The following PDXDC1 variants were observed in gnomAD, a reference collection of about 807,000 sequenced individuals.
PDXDC1 encodes the protein pyridoxal dependent decarboxylase domain containing 1.
PDXDC1 carries 42 observed loss-of-function variants against 100.1 expected under a neutral mutation model. That is an observed-to-expected ratio of 0.42 (90% CI 0.33 to 0.54). The LOEUF (loss-of-function observed/expected upper bound fraction) is 0.54. Among genes scored for constraint, PDXDC1 ranks in the 20% least tolerant of loss-of-function variants. The pLI is 0.10. For missense variants in PDXDC1, 636 were observed against 979.2 expected, an observed-to-expected ratio of 0.65 and a Z score of 4.68; for synonymous variants, 260 against 371.7, an observed-to-expected ratio of 0.70 and a Z score of 3.46.
At chr16:15,000,932 T>C (rs1973006362) in intron 3 of PDXDC1, among the ~76,000 whole-genome samples, 1 of 149,136 alleles carries the variant, frequency 6.7e-6, no homozygotes, top group South Asian at 2.1e-4. Flanking sequence ...TTATATAATG[T>C]ATAGTATATA....
At chr16:15,148,330 T>C in the PDXDC1 span, among the ~76,000 whole-genome samples, 1 of 150,888 alleles carries the variant, frequency 6.6e-6, no homozygotes, top group African/African-American at 2.4e-5. Flanking sequence ...GTTGGCCATC[T>C]GTGCATCTTC....
At chr16:15,145,757 G>A in the PDXDC1 span, among the ~76,000 whole-genome samples, 4 of 152,260 alleles carry the variant, frequency 2.6e-5, no homozygotes, top group Non-Finnish European at 5.9e-5. Flanking sequence ...CACTCTGCAG[G>A]GAGACTGTGA....
At position 15,137,239 on chromosome 16, in the gene PDXDC1, C is replaced by G. The variant is rs886171758; in HGVS notation, c.1400-1640C>G. The G allele has an allele frequency of 3.3e-5, 27 of 820,424 alleles. No individual in the cohort carries two copies. The East Asian group carries it at 4.5e-4, about 14-fold the overall frequency. The allele number at this position is 820,424 out of a possible 1,614,324, so 50.8% of individuals were successfully genotyped here. On this transcript the variant is annotated intron_variant, in intron 16 of 16. Transcript: ENST00000535621. ...AGGCCAGGGGTCCGTGGGGCCCCAC[C>G]AGGGGGGCCCCTGGGGAGGCAGGGA...
rs1259264123 is a variant in PDXDC1 at position 15,106,618 on chromosome 16, G to C, written c.1400-32261G>C. On this transcript the variant is annotated intron_variant, in intron 16 of 16. Coordinates refer to the PDXDC1 transcript ENST00000535621. ...AAAATACAAAAAATTAGGCGGGCGTGGTGGCAGGCACCTGTAAGCCCAGCT... is the reference window on the plus strand; with the variant it reads ...AAAATACAAAAAATTAGGCGGGCGTCGTGGCAGGCACCTGTAAGCCCAGCT... Among the ~76,000 whole-genome samples the C allele has an allele frequency of 7.4e-5, 11 of 149,120 alleles. No individual in the cohort carries two copies. The Admixed American group carries it at 7.4e-4, about 10-fold the overall frequency.
chr16:14,991,526 A>ATTTTTTTTT (rs1168644641), intron 1 of PDXDC1, among the ~76,000 whole-genome samples: 3 of 136,454 alleles, frequency 2.2e-5, no homozygotes, highest in African/African-American at 2.7e-5. Context: ...TATTTTGTCT[A>ATTTTTTTTT]TTTTTTTTTT....
chr16:15,051,135 G>T (rs1287695013), intron 16 of PDXDC1, among the ~76,000 whole-genome samples: 1 of 152,232 alleles, frequency 6.6e-6, no homozygotes, highest in Non-Finnish European at 1.5e-5. Context: ...GGGAAGGGAA[G>T]AGAAGGGAGG....
downstream of PDXDC1, chr16:15,039,925 C>G (rs764194312): frequency 1.4e-5 from 15 of 1,087,822 alleles, no homozygotes; most frequent in South Asian, 1.8e-4. Context: ...ACATTTGATG[C>G]CTTTTTTTTT....
In PDXDC1 at chr16:15,083,363, C is replaced by T. The variant is rs1433450457; in HGVS notation, c.1399+53307C>T. On this transcript the variant is annotated intron_variant, in intron 16 of 16. Coordinates refer to the PDXDC1 transcript ENST00000535621. ...GCAGTGAGCCAAGATGACGCCATTG[C>T]ACTCCAGCTTGGGCGACAGAGTGAG... 3 of 1,253,062 alleles carry T rather than the reference C, an allele frequency of 2.4e-6. No homozygotes were observed. In the African/African-American group the frequency reaches 4.6e-5, roughly 19 times the overall value. The allele number at this position is 1,253,062 out of a possible 1,614,324, so 77.6% of individuals were successfully genotyped here.
At chr16:15,007,711 G>A (rs1277004617) in intron 6 of PDXDC1, among the ~76,000 whole-genome samples, 1 of 152,278 alleles carries the variant, frequency 6.6e-6, no homozygotes, top group Non-Finnish European at 1.5e-5. Flanking sequence ...CTCTTCTTGA[G>A]GGGTGTACAA....
At chr16:15,093,241 T>G (rs1234560940) in intron 16 of PDXDC1, among the ~76,000 whole-genome samples, 1 of 152,220 alleles carries the variant, frequency 6.6e-6, no homozygotes, top group Non-Finnish European at 1.5e-5. Flanking sequence ...TGACTTCAGA[T>G]GATCCGCCCG....
At chr16:15,139,638 A>C (rs1218597281), downstream of PDXDC1, among the ~76,000 whole-genome samples, 2 of 151,568 alleles carry the variant, frequency 1.3e-5, no homozygotes, top group Non-Finnish European at 2.9e-5. Flanking sequence ...AGAATCAGCC[A>C]GGCATGGTGG....
rs1474135641 is a variant in PDXDC1, at chr16:15,053,869, G to A, written c.1399+23813G>A. On this transcript the variant is annotated intron_variant, in intron 16 of 16. Transcript: ENST00000535621. ...AGAGGTTGCAGTGAGCCGAGATTGT[G>A]CCACAGCAATCCAGCCTGGGCCACA... Among the ~76,000 whole-genome samples, 6 of 152,172 alleles carry A rather than the reference G, an allele frequency of 3.9e-5. No homozygotes were observed. The East Asian group carries it at 9.6e-4, about 24-fold the overall frequency.
At chr16:15,104,344 T>C (rs2046683269) in intron 16 of PDXDC1, 13 of 1,592,758 alleles carry the variant, frequency 8.2e-6, no homozygotes, top group African/African-American at 1.3e-5. Context: ...TATTTATTCT[T>C]CGTTAGTTTC....
intron 15 of PDXDC1, 172 bp downstream of exon 15, chr16:15,029,138 G>A (rs1335000837): frequency 1.5e-5 from 11 of 748,712 alleles, no homozygotes; most frequent in African/African-American, 5.2e-5. Context: ...ACCACCTCAC[G>A]AGCTGGGTCA....
At chr16:14,984,838 G>A (rs1424559259) in intron 1 of PDXDC1, among the ~76,000 whole-genome samples, 3 of 152,194 alleles carry the variant, frequency 2.0e-5, no homozygotes, top group African/African-American at 7.2e-5. Context: ...TGGTTTAACT[G>A]AGGAAAAGTG....
chr16:15,066,203 C>G (rs897934352), intron 16 of PDXDC1, among the ~76,000 whole-genome samples: 8 of 152,136 alleles, frequency 5.3e-5, no homozygotes, highest in Admixed American at 3.9e-4. Flanking sequence ...TCAGCAAAAC[C>G]ACACTGGAGG....
chr16:15,125,198 T>C (rs1342470891), intron 16 of PDXDC1: 2 of 476,194 alleles, frequency 4.2e-6, no homozygotes, highest in Non-Finnish European at 7.5e-6. Flanking sequence ...AGATTTCGGT[T>C]GTGTTGGTTG....
intron 1 of PDXDC1, chr16:14,990,069 A>G: frequency 1.3e-6 from 2 of 1,494,602 alleles, no homozygotes; most frequent in Non-Finnish European, 1.8e-6. Context: ...CCACAGAAGC[A>G]GCAGTAGGAG....
chr16:15,147,760 CT>C, the PDXDC1 span, among the ~76,000 whole-genome samples: 1 of 152,136 alleles, frequency 6.6e-6, no homozygotes, highest in African/African-American at 2.4e-5. Flanking sequence ...GTGATATTGG[CT>C]CACTGCAACC....
Sources: gnomAD v4.1 joint callset for allele counts (sites outside exome capture counted in the v4.1 genomes callset) on GRCh38, gnomAD v4.1.1 for gene constraint, MANE v1.5 for transcripts, NCBI Gene and HGNC (gene_info 2026-07-23, HGNC 2026-07-21) for gene names.